SCARA5: variants seen among roughly 807,000 people sequenced by gnomAD.
SCARA5 encodes scavenger receptor class A member 5.
In SCARA5, 45 loss-of-function variants were observed where a neutral mutation model predicts 46.3. That is an observed-to-expected ratio of 0.97 (90% CI 0.76 to 1.24). SCARA5 has a LOEUF of 1.24. Among genes scored for constraint, SCARA5 ranks in the 50% most tolerant of loss-of-function variants. The probability of loss-of-function intolerance (pLI) is 0.00; values close to 1 mark genes in which losing one functional copy is unlikely to be tolerated. For synonymous variants in SCARA5, 333 were observed against 306.5 expected (o/e 1.09, Z -0.90); for missense variants, 680 against 689.0 (o/e 0.99, Z 0.15).
At chr8:27,925,878 G>A (rs1216617054) in intron 3 of SCARA5, among the ~76,000 whole-genome samples, 3 of 152,176 alleles carry the variant, frequency 2.0e-5, no homozygotes, top group Admixed American at 1.3e-4. Flanking sequence ...TCAGAGAAAT[G>A]CAAATGAGAA....
At chr8:27,913,097 C>T (rs1372722079) in intron 4 of SCARA5, among the ~76,000 whole-genome samples, 1 of 152,198 alleles carries the variant, frequency 6.6e-6, no homozygotes, top group Non-Finnish European at 1.5e-5. Flanking sequence ...TCCAAGCGCA[C>T]CTGAAATCAC....
At chr8:27,919,476 G>A (rs543316506) in intron 4 of SCARA5, among the ~76,000 whole-genome samples, 174 of 152,166 alleles carry the variant, frequency 1.1e-3, no homozygotes, top group African/African-American at 3.7e-3. Context: ...TTCTGGTTTC[G>A]TTTGAAACAG....
In SCARA5 at chr8:27,966,500, A is replaced by G; in HGVS notation, c.155T>C (p.Leu52Pro). The G allele has an allele frequency of 6.2e-7, 1 of 1,613,948 alleles. No homozygotes were observed. The highest frequency in any genetic ancestry group is 8.5e-7 in the Non-Finnish European group (1 of 1,179,910). Reference sequence around the variant, plus strand: ...ATGCTTCAGGGCCGACAGGGACCCCAGCTGGGTACAGCAGATGCTTGCCCG... The same window carrying G: ...ATGCTTCAGGGCCGACAGGGACCCCGGCTGGGTACAGCAGATGCTTGCCCG... ...KRRASICCTQ[L>P]GSLSALKHAV... Residue 52 changes from leucine to proline, a missense_variant, in exon 3 of 9, where the codon CTG (leucine) becomes CCG (proline). Physicochemically the swap from Leu to Pro is moderately conservative, Grantham distance 98. Transcript: ENST00000354914.
At position 27,921,727 on chromosome 8, in the gene SCARA5, T is replaced by G. The variant is rs546632814; in HGVS notation, c.760A>C (p.Asn254His). 2 of 1,593,166 alleles carry G rather than the reference T, an allele frequency of 1.3e-6. No homozygotes were observed. Among genetic ancestry groups the G allele is most frequent in the East Asian group, 2.3e-5 (1 of 43,970 alleles). ...AGGCGGCGCGTGTCCTCGCTGGCGTTGCTCACCAGCACCCGCAGGTCCTGC... is the reference window on the plus strand; with the variant it reads ...AGGCGGCGCGTGTCCTCGCTGGCGTGGCTCACCAGCACCCGCAGGTCCTGC... ...RLQDLRVLVS[N>H]ASEDTRRLRL... is the part of the protein sequence containing the mutation. The change falls in exon 4 of 9, where the codon AAC (asparagine) becomes CAC (histidine). Residue 254 changes from asparagine (N) to histidine (H), a missense_variant. Physicochemically the swap from Asn to His is moderately conservative, Grantham distance 68. Transcript: ENST00000354914.
chr8:27,872,594 G>T (rs532702693), intron 8 of SCARA5, among the ~76,000 whole-genome samples: 1 of 152,298 alleles, frequency 6.6e-6, no homozygotes, highest in East Asian at 1.9e-4. Context: ...CCACCTCCTT[G>T]GATGTTGTTT....
intron 3 of SCARA5, among the ~76,000 whole-genome samples, chr8:27,948,064 C>T (rs981500594): frequency 6.6e-6 from 1 of 151,986 alleles, no homozygotes; most frequent in Non-Finnish European, 1.5e-5. Flanking sequence ...GATGGTTGCA[C>T]GGCAATGTAA....
intron 7 of SCARA5, among the ~76,000 whole-genome samples, chr8:27,888,698 C>T (rs536700281): frequency 1.3e-5 from 2 of 152,318 alleles, no homozygotes; most frequent in East Asian, 3.9e-4. Context: ...GCAAGAAGAT[C>T]CCACTTCGGT....
intron 2 of SCARA5, among the ~76,000 whole-genome samples, chr8:27,982,462 A>G (rs968000702): frequency 1.3e-5 from 2 of 152,106 alleles, no homozygotes; most frequent in African/African-American, 2.4e-5. Flanking sequence ...GTGAGCATCC[A>G]TCAGAGGCCG....
chr8:27,904,619 C>T (rs762324098), intron 7 of SCARA5, 159 bp downstream of exon 7: 9 of 743,394 alleles, frequency 1.2e-5, no homozygotes, highest in Non-Finnish European at 1.9e-5. Flanking sequence ...GCATCTCTTG[C>T]TAGACCAGCA....
chr8:27,985,322 C>T (rs531618972), intron 2 of SCARA5, among the ~76,000 whole-genome samples: 1 of 152,178 alleles, frequency 6.6e-6, no homozygotes, highest in Non-Finnish European at 1.5e-5. Flanking sequence ...TGGGGGATGC[C>T]AGGGAAGCAC....
chr8:27,990,878 A>G (rs1808777892), intron 1 of SCARA5, among the ~76,000 whole-genome samples: 1 of 152,234 alleles, frequency 6.6e-6, no homozygotes, highest in Non-Finnish European at 1.5e-5. Flanking sequence ...TCTAACAGGG[A>G]GGTGTCACCC....
intron 2 of SCARA5, among the ~76,000 whole-genome samples, chr8:27,977,790 C>T (rs4732618): frequency 0.61 from 93,347 of 152,132 alleles, 29,289 homozygotes; most frequent in East Asian, 0.99. Context: ...TTACCTAATT[C>T]CAGCCTCCCT....
At chr8:27,936,680 A>T (rs1807863500) in intron 3 of SCARA5, among the ~76,000 whole-genome samples, 1 of 148,936 alleles carries the variant, frequency 6.7e-6, no homozygotes, top group Non-Finnish European at 1.5e-5. Flanking sequence ...CTGCAAATAA[A>T]CCCTGTCTCT....
intron 7 of SCARA5, among the ~76,000 whole-genome samples, chr8:27,902,603 A>T (rs1427565709): frequency 6.6e-6 from 1 of 152,192 alleles, no homozygotes; most frequent in Non-Finnish European, 1.5e-5. Context: ...TCTCAAAGCC[A>T]TCTTTCCACA....
chr8:27,915,370 C>T (rs1471267279), intron 4 of SCARA5, among the ~76,000 whole-genome samples: 3 of 152,136 alleles, frequency 2.0e-5, no homozygotes, highest in African/African-American at 7.2e-5. Flanking sequence ...CCACCCACTT[C>T]CCAGCAGAGT....
intron 2 of SCARA5, among the ~76,000 whole-genome samples, chr8:27,984,472 C>CCATT (rs779730992): frequency 2.1e-5 from 3 of 145,338 alleles, no homozygotes; most frequent in African/African-American, 5.3e-5. Flanking sequence ...GTTTATCCAT[C>CCATT]CATTCATTCA....
chr8:27,920,311 A>T (rs1807562196), intron 4 of SCARA5, among the ~76,000 whole-genome samples: 1 of 152,150 alleles, frequency 6.6e-6, no homozygotes, highest in Non-Finnish European at 1.5e-5. Context: ...TCTCTAAAAC[A>T]GTAATAATTT....
At chr8:27,884,303 A>G (rs998792936) in intron 7 of SCARA5, among the ~76,000 whole-genome samples, 1 of 151,608 alleles carries the variant, frequency 6.6e-6, no homozygotes, top group Non-Finnish European at 1.5e-5. Context: ...GAAGAAAAAC[A>G]TGGAGAAGAG....
chr8:27,982,639 G>C (rs1230628295), intron 2 of SCARA5, among the ~76,000 whole-genome samples: 1 of 152,190 alleles, frequency 6.6e-6, no homozygotes, highest in Non-Finnish European at 1.5e-5. Flanking sequence ...CAATGGCCAA[G>C]ACGCAAGGGA....
Sources: gnomAD v4.1 joint callset for allele counts (sites outside exome capture counted in the v4.1 genomes callset) on GRCh38, gnomAD v4.1.1 for gene constraint, MANE v1.5 for transcripts, NCBI Gene and HGNC (gene_info 2026-07-23, HGNC 2026-07-21) for gene names.